The following SLC6A6 variants were observed in gnomAD, a reference collection of about 807,000 sequenced individuals.
The protein encoded by SLC6A6 is solute carrier family 6 member 6.
A neutral mutation model predicts 68.8 loss-of-function variants in SLC6A6; 16 were observed. That is an observed-to-expected ratio of 0.23 (90% confidence interval 0.16 to 0.35). SLC6A6 has a LOEUF of 0.35. Among genes scored for constraint, SLC6A6 ranks in the 10% least tolerant of loss-of-function variants. The pLI is 1.00. For synonymous variants in SLC6A6, 312 were observed against 315.4 expected, an observed-to-expected ratio of 0.99 and a Z score of 0.12; for missense variants, 474 against 802.8, an observed-to-expected ratio of 0.59 and a Z score of 4.95.
intron 9 of SLC6A6, among the ~76,000 whole-genome samples, chr3:14,469,337 AG>A (rs1236168504): frequency 6.6e-6 from 1 of 151,970 alleles, no homozygotes; most frequent in Admixed American, 6.5e-5. Context: ...TATTAACTTC[AG>A]GGACCACCAT....
At chr3:14,440,234 G>C (rs954557861) in intron 2 of SLC6A6, among the ~76,000 whole-genome samples, 12 of 152,074 alleles carry the variant, frequency 7.9e-5, no homozygotes, top group African/African-American at 2.7e-4. Flanking sequence ...ACTTGCCTTA[G>C]GTCACCTGTT....
chr3:14,406,852 C>T (rs985203431), intron 1 of SLC6A6, among the ~76,000 whole-genome samples: 3 of 152,178 alleles, frequency 2.0e-5, no homozygotes, highest in Admixed American at 1.3e-4. Flanking sequence ...AAATAATAAA[C>T]CACCTGAAAC....
At chr3:14,462,936 G>A (rs762968669) in intron 6 of SLC6A6, among the ~76,000 whole-genome samples, 5 of 152,160 alleles carry the variant, frequency 3.3e-5, no homozygotes, top group African/African-American at 9.7e-5. Context: ...AGTTTACATT[G>A]TCAGGGTGAG....
At chr3:14,436,851 C>T (rs1408978142) in intron 2 of SLC6A6, among the ~76,000 whole-genome samples, 1 of 152,198 alleles carries the variant, frequency 6.6e-6, no homozygotes, top group East Asian at 1.9e-4. Context: ...CCTGTCCAGC[C>T]TCCTGAGCCC....
intron 2 of SLC6A6, among the ~76,000 whole-genome samples, chr3:14,426,305 C>T (rs1227858871): frequency 6.6e-6 from 1 of 151,722 alleles, no homozygotes; most frequent in African/African-American, 2.4e-5. Context: ...GCCGTAGTTC[C>T]TCATCTCCAT....
At chr3:14,469,430 C>T (rs536412533) in intron 9 of SLC6A6, among the ~76,000 whole-genome samples, 3 of 152,270 alleles carry the variant, frequency 2.0e-5, no homozygotes, top group East Asian at 1.9e-4. Flanking sequence ...GAACATGAGG[C>T]GATGTCCCAG....
In SLC6A6 at chr3:14,472,189, T is replaced by C; in HGVS notation, c.1097-16T>C. On this transcript the variant is annotated splice_polypyrimidine_tract_variant and intron_variant, in intron 9 of 14. Transcript: ENST00000622186. This position sits in a 1 kb window ranked among gnomAD's most constrained non-coding sequence, Gnocchi z 4.5. ...TCTCCTCCCCTGTGCCCCTCCCCGT[T>C]TTCTTTCCTTTCTAGGTCCTGGCCT... 6.5e-7 allele frequency: 1 copy of C among 1,543,030 alleles called. No individual in the cohort carries two copies. The highest frequency in any genetic ancestry group is 9.0e-7 in the Non-Finnish European group (1 of 1,115,312).
chr3:14,447,883 A>G, intron 5 of SLC6A6, 67 bp downstream of exon 5: 1 of 1,584,986 alleles, frequency 6.3e-7, no homozygotes, highest in East Asian at 2.3e-5. Flanking sequence ...CCACTTCCTT[A>G]TCTCCTCCCC....
intron 6 of SLC6A6, 94 bp from the exon 7 acceptor site, chr3:14,466,422 G>T: frequency 7.1e-7 from 1 of 1,407,602 alleles, no homozygotes. Flanking sequence ...TCCTGATCCT[G>T]ACCAGTGCTC....
chr3:14,457,883 G>T lies in SLC6A6; in HGVS notation c.600-67G>T. The T allele has an allele frequency of 5.1e-6, 8 of 1,554,584 alleles. 1 individual carries two copies. The Admixed American group carries it at 1.0e-4, about 20-fold the overall frequency. On this transcript the variant is annotated intron_variant, in intron 5 of 14. Transcript: ENST00000622186. ...TTTGACCCCCAGCCTGTTAATGTCC[G>T]AGCCTTGGCTCTCTCTACTCCAGGG...
intron 4 of SLC6A6, among the ~76,000 whole-genome samples, chr3:14,446,879 T>G (rs1279481135): frequency 1.3e-5 from 2 of 152,222 alleles, no homozygotes; most frequent in African/African-American, 4.8e-5. Context: ...TATGATTTAA[T>G]TGGCAGAGAC....
chr3:14,412,193 T>C (rs1699266158), intron 1 of SLC6A6, among the ~76,000 whole-genome samples: 1 of 152,180 alleles, frequency 6.6e-6, no homozygotes, highest in African/African-American at 2.4e-5. Context: ...ATCCTCTTGG[T>C]GGTTTTTCAA....
Position 14,443,983 on chromosome 3 carries a change from C to T in SLC6A6, c.229+120C>T, listed in dbSNP as rs746899254. 4.4e-6 allele frequency: 3 copies of T among 687,638 alleles called. No homozygotes were observed. In the South Asian group the frequency reaches 5.2e-5, roughly 12 times the overall value. 42.6% of individuals were successfully genotyped at this position (687,638 alleles called of 1,614,324 possible). A position where few individuals can be genotyped will look rare whatever the true frequency, so the allele number is the denominator to read the frequency against. On this transcript the variant is annotated intron_variant, in intron 3 of 14. Coordinates refer to ENST00000622186, the MANE Select transcript of SLC6A6 (RefSeq NM_003043.6). ...TGCTTTCCCTGGCCCCCCCCCTTGA[C>T]CTCCATGAGGTCAGCCTGCCATGCT...
At chr3:14,435,351 G>T (rs1477608863) in intron 2 of SLC6A6, among the ~76,000 whole-genome samples, 2 of 152,188 alleles carry the variant, frequency 1.3e-5, no homozygotes, top group Non-Finnish European at 1.5e-5. Flanking sequence ...GGAGGTCGGG[G>T]GTCTCTGAGG....
rs765157260 is a variant in SLC6A6 at position 14,481,523 on chromosome 3, A to G, written c.1552-148A>G. 4.9e-6 allele frequency: 3 copies of G among 607,208 alleles called. No homozygotes were observed. Among genetic ancestry groups the G allele is most frequent in the Non-Finnish European group, 8.8e-6 (3 of 342,366 alleles). The allele number at this position is 607,208 out of a possible 1,614,324, so 37.6% of individuals were successfully genotyped here. ...TTTTACCGGGGCGGGGGGGATCCTT[A>G]TGGCAGCAGAGAGGGGTGTGAGTTC... is the stretch of plus-strand genomic sequence containing the variant. On this transcript the variant is annotated intron_variant, in intron 13 of 14. Coordinates refer to ENST00000622186, the MANE Select transcript of SLC6A6 (RefSeq NM_003043.6). This position sits in a 1 kb window ranked among gnomAD's most constrained non-coding sequence, Gnocchi z 4.7.
At chr3:14,454,220 G>A (rs1377041157) in intron 5 of SLC6A6, among the ~76,000 whole-genome samples, 1 of 152,160 alleles carries the variant, frequency 6.6e-6, no homozygotes, top group African/African-American at 2.4e-5. Flanking sequence ...GAGGGAGGAA[G>A]ACCAACGAAG....
At chr3:14,447,552 GTTTA>G in intron 4 of SLC6A6, 26 bp from the exon 5 acceptor site, 2 of 1,612,892 alleles carry the variant, frequency 1.2e-6, no homozygotes, top group South Asian at 2.2e-5. Flanking sequence ...TCCCTCAGAT[GTTTA>G]CTCATCTCAT....
intron 4 of SLC6A6, among the ~76,000 whole-genome samples, chr3:14,447,116 C>G (rs1700140902): frequency 6.6e-6 from 1 of 152,176 alleles, no homozygotes; most frequent in Non-Finnish European, 1.5e-5. Flanking sequence ...ATCCATCAAT[C>G]CAACATTCTT....
At chr3:14,463,112 G>C (rs1424772478) in intron 6 of SLC6A6, among the ~76,000 whole-genome samples, 1 of 152,204 alleles carries the variant, frequency 6.6e-6, no homozygotes, top group Non-Finnish European at 1.5e-5. Context: ...TCACACGGCT[G>C]AGGTGGCGTG....
Sources: gnomAD v4.1 joint callset for allele counts (sites outside exome capture counted in the v4.1 genomes callset) on GRCh38, gnomAD v4.1.1 for gene constraint, Gnocchi (gnomAD v3.1) non-coding constraint, MANE v1.5 for transcripts, NCBI Gene and HGNC (gene_info 2026-07-23, HGNC 2026-07-21) for gene names.